KANSL1L: variants seen among roughly 807,000 people sequenced by gnomAD.
The protein encoded by KANSL1L is KAT8 regulatory NSL complex subunit 1 like.
In KANSL1L, 25 loss-of-function variants were observed where a neutral mutation model predicts 108.6. That is an observed-to-expected ratio of 0.23 (90% confidence interval 0.17 to 0.32). The LOEUF (loss-of-function observed/expected upper bound fraction) is 0.32. KANSL1L is among the 10% of genes least tolerant of loss of function. The pLI, the probability that KANSL1L is intolerant of heterozygous loss-of-function variation, is 1.00. For synonymous variants in KANSL1L, 405 were observed against 395.1 expected (o/e 1.03, Z -0.30); for missense variants, 1,137 against 1,125.7 (o/e 1.01, Z -0.14).
At position 210,154,430 on chromosome 2, in the gene KANSL1L, A is replaced by C; in HGVS notation, c.153T>G (p.Phe51Leu). The C allele has an allele frequency of 6.2e-7, 1 of 1,613,434 alleles. No homozygotes were observed. Among genetic ancestry groups the C allele is most frequent in the Non-Finnish European group, 8.5e-7 (1 of 1,179,700 alleles). ...TATTAAGAGTAGGTTCAGGAGTTGGAAATCCAAGCATCTGAGAAAAGGTGT... is the reference window on the plus strand; with the variant it reads ...TATTAAGAGTAGGTTCAGGAGTTGGCAATCCAAGCATCTGAGAAAAGGTGT... ...KGDTFSQMLGFPTPEPTLNTN... is the reference protein window; with the variant it reads ...KGDTFSQMLGLPTPEPTLNTN... The change falls in exon 2 of 15, where the codon TTT becomes TTG. Residue 51 changes from phenylalanine (F) to leucine (L), a missense_variant. By Grantham distance (22) the Phe-to-Leu change is conservative (BLOSUM62 0). Around this residue, in one of 3 missense-constraint regions of KANSL1L, gnomAD observed 556 missense variants for 537.7 expected, o/e 1.03. Transcript: ENST00000281772.
intron 9 of KANSL1L, chr2:210,030,914 T>C (rs1303793568): frequency 6.6e-6 from 1 of 152,160 alleles, no homozygotes; most frequent in South Asian, 2.1e-4. Flanking sequence ...ATCTAAAGTG[T>C]CAGTCAATTT....
At chr2:210,106,163 T>G (rs181804367) in intron 3 of KANSL1L, among the ~76,000 whole-genome samples, 9 of 152,258 alleles carry the variant, frequency 5.9e-5, no homozygotes, top group Admixed American at 5.9e-4. Context: ...GAAGAGGAAA[T>G]TTCAAACCTA....
At chr2:210,092,867 G>T (rs2094704203) in intron 5 of KANSL1L, among the ~76,000 whole-genome samples, 1 of 151,910 alleles carries the variant, frequency 6.6e-6, no homozygotes, top group African/African-American at 2.4e-5. Context: ...TGCAAACTTG[G>T]ATTGAAAATC....
chr2:210,028,307 C>G (rs1373149087), intron 11 of KANSL1L: 1 of 152,314 alleles, frequency 6.6e-6, no homozygotes, highest in African/African-American at 2.4e-5. Flanking sequence ...TATGTAAATA[C>G]CTTCTCCACC....
At chr2:210,121,505 G>A (rs1397968519) in intron 3 of KANSL1L, among the ~76,000 whole-genome samples, 1 of 152,070 alleles carries the variant, frequency 6.6e-6, no homozygotes, top group Non-Finnish European at 1.5e-5. Context: ...GAGAATGGAG[G>A]GTGCGAGGAG....
intron 3 of KANSL1L, among the ~76,000 whole-genome samples, chr2:210,113,830 A>G (rs1297270768): frequency 6.6e-6 from 1 of 152,210 alleles, no homozygotes; most frequent in Non-Finnish European, 1.5e-5. Flanking sequence ...AAATGTGAAC[A>G]GGCAGGAAAA....
chr2:210,120,599 G>A (rs1321527175), intron 3 of KANSL1L, among the ~76,000 whole-genome samples: 1 of 152,130 alleles, frequency 6.6e-6, no homozygotes, highest in South Asian at 2.1e-4. Context: ...ACGATTTCAT[G>A]ACAAAGATGC....
At chr2:210,072,441 G>A (rs914169522) in intron 6 of KANSL1L, among the ~76,000 whole-genome samples, 3 of 152,226 alleles carry the variant, frequency 2.0e-5, no homozygotes, top group Non-Finnish European at 4.4e-5. Context: ...CAACTGGCAG[G>A]AGGCACTTTA....
chr2:210,092,158 C>A (rs570726179), intron 5 of KANSL1L, among the ~76,000 whole-genome samples: 2 of 152,032 alleles, frequency 1.3e-5, no homozygotes, highest in Non-Finnish European at 2.9e-5. Flanking sequence ...TTTAGTTGTC[C>A]TGATCCAAAA....
rs2094823583 is a variant in KANSL1L, at chr2:210,104,162, T to G, written c.1370A>C (p.Gln457Pro). Reference sequence around the variant, plus strand: ...GCTGCTTGGTGACATTTCAAAATCTTGTTCCGGTACAGGATCTTGACACTC... The same window carrying G: ...GCTGCTTGGTGACATTTCAAAATCTGGTTCCGGTACAGGATCTTGACACTC... ...PQECQDPVPE[Q>P]DFEMSPSSPT... Residue 457 changes from glutamine to proline, a missense_variant, in exon 4 of 15, where the codon CAA becomes CCA. By Grantham distance (76) the Gln-to-Pro change is moderately conservative. Coordinates refer to ENST00000281772, the MANE Select transcript of KANSL1L (RefSeq NM_152519.4). The G allele has an allele frequency of 6.2e-7, 1 of 1,613,952 alleles. No individual in the cohort carries two copies. Among genetic ancestry groups the G allele is most frequent in the African/African-American group, 1.3e-5 (1 of 74,940 alleles).
At chr2:210,112,057 A>G (rs2094911233) in intron 3 of KANSL1L, among the ~76,000 whole-genome samples, 1 of 152,162 alleles carries the variant, frequency 6.6e-6, no homozygotes, top group South Asian at 2.1e-4. Context: ...TACAAAGGAC[A>G]TGAACTCATC....
chr2:210,141,544 G>T (rs1119127), intron 2 of KANSL1L, among the ~76,000 whole-genome samples: 2,859 of 152,166 alleles, frequency 0.019, 52 homozygotes, highest in Middle Eastern at 0.027. Context: ...CACTGAATCC[G>T]CTGACAACTT....
intron 6 of KANSL1L, among the ~76,000 whole-genome samples, chr2:210,062,537 T>C (rs1007391272): frequency 6.6e-6 from 1 of 152,116 alleles, no homozygotes; most frequent in Non-Finnish European, 1.5e-5. Flanking sequence ...TCCCTAGAGA[T>C]TTGTTGGATG....
intron 6 of KANSL1L, among the ~76,000 whole-genome samples, chr2:210,070,375 G>A (rs1211215426): frequency 2.0e-5 from 3 of 150,846 alleles, no homozygotes; most frequent in South Asian, 4.2e-4. Flanking sequence ...GACTACAGGC[G>A]CCCGCCACAA....
At chr2:210,148,347 C>T (rs554517012) in intron 2 of KANSL1L, among the ~76,000 whole-genome samples, 4 of 152,212 alleles carry the variant, frequency 2.6e-5, no homozygotes, top group Non-Finnish European at 5.9e-5. Context: ...AAAAGAAATG[C>T]TAGAATTCTA....
upstream of KANSL1L, among the ~76,000 whole-genome samples, chr2:210,172,704 C>T (rs1238664254): frequency 6.6e-6 from 1 of 152,172 alleles, no homozygotes; most frequent in Non-Finnish European, 1.5e-5. Flanking sequence ...TGGATATTTA[C>T]CATATTCAAA....
intron 3 of KANSL1L, among the ~76,000 whole-genome samples, chr2:210,121,234 T>G (rs2095016729): frequency 1.3e-5 from 2 of 152,152 alleles, no homozygotes; most frequent in Admixed American, 6.5e-5. Context: ...AGCAAAGGCA[T>G]AGAATCAACC....
At chr2:210,061,202 G>GTA in intron 6 of KANSL1L, among the ~76,000 whole-genome samples, 1 of 152,122 alleles carries the variant, frequency 6.6e-6, no homozygotes, top group Non-Finnish European at 1.5e-5. Flanking sequence ...TATAATTATT[G>GTA]TAACTATTAG....
In KANSL1L at chr2:210,154,422, G is replaced by A; in HGVS notation, c.161C>T (p.Pro54Leu). Reference sequence around the variant, plus strand: ...AAAATTAGTATTAAGAGTAGGTTCAGGAGTTGGAAATCCAAGCATCTGAGA... The same window carrying A: ...AAAATTAGTATTAAGAGTAGGTTCAAGAGTTGGAAATCCAAGCATCTGAGA... ...TFSQMLGFPT[P>L]EPTLNTNFVN... Residue 54 changes from proline to leucine, a missense_variant, in exon 2 of 15, where the codon CCT becomes CTT. By Grantham distance (98) the Pro-to-Leu change is moderately conservative. Around this residue, in one of 3 missense-constraint regions of KANSL1L, gnomAD observed 556 missense variants for 537.7 expected, o/e 1.03. Transcript: ENST00000281772. 6.2e-7 allele frequency: 1 copy of A among 1,613,300 alleles called. No individual in the cohort carries two copies. The highest frequency in any genetic ancestry group is 8.5e-7 in the Non-Finnish European group (1 of 1,179,606).
Sources: gnomAD v4.1 joint callset for allele counts (sites outside exome capture counted in the v4.1 genomes callset) on GRCh38, gnomAD v4.1.1 for gene constraint, gnomAD v4.1.1 regional missense constraint, MANE v1.5 for transcripts, NCBI Gene and HGNC (gene_info 2026-07-23, HGNC 2026-07-21) for gene names.